Variants in C1orf21 observed in about 807,000 individuals in gnomAD.
C1orf21 encodes the protein uncharacterized protein C1orf21.
A neutral mutation model predicts 18.7 loss-of-function variants in C1orf21; 3 were observed. That is an observed-to-expected ratio of 0.16 (90% CI 0.07 to 0.42). C1orf21 has a LOEUF of 0.42. C1orf21 is among the 10% of genes least tolerant of loss of function. The pLI is 0.99. For missense variants in C1orf21, 104 were observed against 143.6 expected, an observed-to-expected ratio of 0.72 and a Z score of 1.41; for synonymous variants, 41 against 46.4, an observed-to-expected ratio of 0.88 and a Z score of 0.47.
In C1orf21 at chr1:184,590,789, G is replaced by A. The variant is rs779620403; in HGVS notation, c.240G>A (p.Pro80=). The A allele has an allele frequency of 3.3e-5, 54 of 1,613,918 alleles. No homozygotes were observed. The highest frequency in any genetic ancestry group is 1.1e-4 in the South Asian group (10 of 91,070). ...GACTTAAAACTAATAAAGAGGTTCC[G>A]GGATTAGTTCATCAACCCAGAGCAA... ...NVRLKTNKEV[P]GLVHQPRANM... Residue 80 remains proline (P), a synonymous_variant, in exon 4 of 6, where the codon CCG becomes CCA. Transcript: ENST00000235307.
intron 1 of C1orf21, among the ~76,000 whole-genome samples, chr1:184,467,242 G>A (rs1288774241): frequency 6.6e-6 from 1 of 152,160 alleles, no homozygotes; most frequent in Admixed American, 6.5e-5. Flanking sequence ...GACCTACTAT[G>A]AGCCTGACAT....
At chr1:184,545,923 T>A (rs2101979426) in intron 3 of C1orf21, 1 of 152,300 alleles carries the variant, frequency 6.6e-6, no homozygotes, top group East Asian at 1.9e-4. Flanking sequence ...TTCCTAGCCC[T>A]AGGGTGAAAT....
chr1:184,584,679 A>G (rs1479582078), intron 3 of C1orf21, among the ~76,000 whole-genome samples: 3 of 152,220 alleles, frequency 2.0e-5, no homozygotes, highest in African/African-American at 4.8e-5. Context: ...ATGTCCATCA[A>G]GGGATGGGGA....
rs1571308683 is a variant in C1orf21 at position 184,624,779 on chromosome 1, C to T, written c.*5223C>T. 6.6e-6 allele frequency: 1 copy of T among 152,158 alleles called. No homozygotes were observed. Among genetic ancestry groups the T allele is most frequent in the South Asian group, 2.1e-4 (1 of 4,822 alleles). 9.4% of individuals were successfully genotyped at this position (152,158 alleles called of 1,614,324 possible). On this transcript the variant is annotated 3_prime_UTR_variant, in exon 6 of 6. Transcript: ENST00000235307. ...TGGATAGACATTTAAATAACTTGTT[C>T]CAAGGTCGGAAGAGCCCAAGAACTC... is the stretch of plus-strand genomic sequence containing the variant.
intron 1 of C1orf21, among the ~76,000 whole-genome samples, chr1:184,433,246 TTTC>T (rs950619920): frequency 5.9e-5 from 9 of 152,214 alleles, no homozygotes; most frequent in African/African-American, 1.9e-4. Flanking sequence ...TGGAAAATCC[TTTC>T]TTCTTCTCCT....
At chr1:184,441,668 G>C (rs1318512757) in intron 1 of C1orf21, among the ~76,000 whole-genome samples, 2 of 152,292 alleles carry the variant, frequency 1.3e-5, no homozygotes, top group African/African-American at 4.8e-5. Flanking sequence ...GGCAGAACTA[G>C]TAATCCTAAC....
intron 3 of C1orf21, chr1:184,566,445 G>A (rs770811235): frequency 4.5e-5 from 10 of 219,808 alleles, no homozygotes; most frequent in Non-Finnish European, 7.1e-5. Context: ...AGTCCAGAGC[G>A]CGCCATATAT....
chr1:184,392,244 A>G (rs1469997084), intron 1 of C1orf21, among the ~76,000 whole-genome samples: 1 of 152,170 alleles, frequency 6.6e-6, no homozygotes, highest in Non-Finnish European at 1.5e-5. Context: ...AGGATTTTCC[A>G]TGCTGGGATC....
intron 3 of C1orf21, among the ~76,000 whole-genome samples, chr1:184,588,513 C>A (rs1164446741): frequency 2.0e-5 from 3 of 152,128 alleles, no homozygotes; most frequent in Non-Finnish European, 4.4e-5. Context: ...GGGTTCAAAT[C>A]CCTGCGCTAC....
At chr1:184,596,608 G>C (rs982427302) in intron 4 of C1orf21, among the ~76,000 whole-genome samples, 1 of 152,106 alleles carries the variant, frequency 6.6e-6, no homozygotes, top group East Asian at 1.9e-4. Flanking sequence ...AGTGGCTTAC[G>C]CCTATAATCC....
chr1:184,441,881 A>G (rs1656953341), intron 1 of C1orf21, among the ~76,000 whole-genome samples: 1 of 152,324 alleles, frequency 6.6e-6, no homozygotes, highest in East Asian at 1.9e-4. Context: ...TTCAGCTGGT[A>G]TTGATGTTCG....
At chr1:184,468,542 A>G (rs925526059) in intron 1 of C1orf21, among the ~76,000 whole-genome samples, 1 of 152,246 alleles carries the variant, frequency 6.6e-6, no homozygotes, top group Non-Finnish European at 1.5e-5. Context: ...AAAATTATTG[A>G]CAATCCTAAG....
In C1orf21 at chr1:184,513,265, A is replaced by G. The variant is rs145878004; in HGVS notation, c.189+5583A>G. Among the ~76,000 whole-genome samples, 1,124 of 152,356 alleles carry G rather than the reference A, an allele frequency of 7.4e-3. 6 individuals carry two copies. The highest frequency in any genetic ancestry group is 0.02 in the Middle Eastern group (6 of 294). On this transcript the variant is annotated intron_variant, in intron 3 of 5. Transcript: ENST00000235307. ...AGCTATGAAGAAAAAGCTTTCTTTC[A>G]TTACATTGAAATTAAATATTTTGGT... is the stretch of plus-strand genomic sequence containing the variant.
chr1:184,628,394 A>G lies in C1orf21; in HGVS notation c.*8838A>G, dbSNP rs1046773672. 2.0e-5 allele frequency: 3 copies of G among 152,172 alleles called. No homozygotes were observed. The highest frequency in any genetic ancestry group is 1.3e-4 in the Admixed American group (2 of 15,278). The allele number at this position is 152,172 out of a possible 1,614,324, so 9.4% of individuals were successfully genotyped here. On this transcript the variant is annotated 3_prime_UTR_variant, in exon 6 of 6. Coordinates refer to ENST00000235307, the MANE Select transcript of C1orf21 (RefSeq NM_030806.4). ...AAATATTATAAACAGAGGTTCTGGC[A>G]TTTTCTCTCTGAACTCCTGAGGGGG... is the stretch of plus-strand genomic sequence containing the variant.
intron 4 of C1orf21, among the ~76,000 whole-genome samples, chr1:184,597,894 A>G (rs1315972318): frequency 3.3e-5 from 5 of 152,218 alleles, no homozygotes; most frequent in Non-Finnish European, 7.3e-5. Context: ...GAAAGTGCTC[A>G]GTAGTAATAT....
intron 1 of C1orf21, among the ~76,000 whole-genome samples, chr1:184,391,102 G>A (rs1655965405): frequency 6.6e-6 from 1 of 152,078 alleles, no homozygotes; most frequent in Non-Finnish European, 1.5e-5. Flanking sequence ...CGGTTCTGAA[G>A]TTTAATTTTA....
At position 184,610,857 on chromosome 1, in the gene C1orf21, A is replaced by AC. The variant is rs1405412127; in HGVS notation, c.328-8661_328-8660insC. ...GCGAGACTCTGACTCAAAAAAAAAA[A>AC]AAAAAAGGCTTCTAAAATATCCTCC... On this transcript the variant is annotated intron_variant, in intron 5 of 5. Coordinates refer to ENST00000235307, the MANE Select transcript of C1orf21 (RefSeq NM_030806.4). Among the ~76,000 whole-genome samples the AC allele has an allele frequency of 2.0e-5, 3 of 152,022 alleles. No homozygotes were observed. The East Asian group carries it at 5.8e-4, about 29-fold the overall frequency.
chr1:184,400,316 C>A (rs1656128654), intron 1 of C1orf21, among the ~76,000 whole-genome samples: 1 of 151,950 alleles, frequency 6.6e-6, no homozygotes, highest in South Asian at 2.1e-4. Context: ...TTGAGCTGGT[C>A]ATTGTTTTTA....
At chr1:184,513,791 A>G (rs527641804) in intron 3 of C1orf21, among the ~76,000 whole-genome samples, 1 of 152,378 alleles carries the variant, frequency 6.6e-6, no homozygotes, top group South Asian at 2.1e-4. Context: ...ATTAAGCCAA[A>G]TGCTTTGGAA....
Sources: allele counts gnomAD v4.1 joint callset (sites outside exome capture counted in the v4.1 genomes callset), GRCh38; gene constraint gnomAD v4.1.1; transcripts MANE v1.5; gene names NCBI Gene and HGNC (gene_info 2026-07-23, HGNC 2026-07-21).